Variants in ABCB7 observed in about 807,000 individuals in gnomAD.
The protein encoded by ABCB7 is iron-sulfur clusters transporter ABCB7, mitochondrial.
In ABCB7, 7 loss-of-function variants were observed where a neutral mutation model predicts 54.4. That is an observed-to-expected ratio of 0.13 (90% CI 0.07 to 0.24). The LOEUF (loss-of-function observed/expected upper bound fraction) is 0.24. Among genes scored for constraint, ABCB7 ranks in the 10% least tolerant of loss-of-function variants. ABCB7 has a pLI of 1.00. For synonymous variants in ABCB7, 218 were observed against 207.1 expected (o/e 1.05, Z -0.45); for missense variants, 356 against 570.4 (o/e 0.62, Z 3.83).
At chrX:75,087,294 TCAGA>T (rs1193989832) in intron 4 of ABCB7, among the ~76,000 whole-genome samples, 1 of 112,052 alleles carries the variant, frequency 8.9e-6, no homozygotes, top group Non-Finnish European at 1.9e-5. Context: ...TTAAGGGTAC[TCAGA>T]CAATTTGAAA....
At chrX:75,076,118 T>C (rs1342486145) in intron 5 of ABCB7, among the ~76,000 whole-genome samples, 1 of 111,829 alleles carries the variant, frequency 8.9e-6, no homozygotes, top group Non-Finnish European at 1.9e-5. Context: ...TAGATTTGTG[T>C]CATTACTAAT....
chrX:75,056,235 C>A (rs1250899290), intron 15 of ABCB7, among the ~76,000 whole-genome samples: 4 of 111,415 alleles, frequency 3.6e-5, no homozygotes, highest in African/African-American at 1.3e-4. Flanking sequence ...TTTCAGCAAC[C>A]AGTGAGGACC....
At chrX:75,104,828 C>T (rs1450457119) in intron 3 of ABCB7, among the ~76,000 whole-genome samples, 4 of 111,693 alleles carry the variant, frequency 3.6e-5, no homozygotes, top group African/African-American at 9.8e-5. Context: ...CCAAATCCAA[C>T]AGCACAAGAT....
intron 4 of ABCB7, chrX:75,097,676 C>T (rs1339363447): frequency 1.8e-5 from 2 of 111,294 alleles, no homozygotes. Context: ...AAAATAAAAT[C>T]TTAATCCTTA....
chrX:75,069,465 A>G lies in ABCB7; in HGVS notation c.1366-11T>C, dbSNP rs1360526699. 8.3e-7 allele frequency: 1 copy of G among 1,208,506 alleles called. No homozygotes were observed. The highest frequency in any genetic ancestry group is 2.2e-5 in the Admixed American group (1 of 45,949). ...TGCCATCACTTTGTCCTAGCAGGGAAGAGAAAAAAAAAGCCACTTTACGCA... is the reference window on the plus strand; with the variant it reads ...TGCCATCACTTTGTCCTAGCAGGGAGGAGAAAAAAAAAGCCACTTTACGCA... On this transcript the variant is annotated splice_polypyrimidine_tract_variant and intron_variant, in intron 10 of 15. Coordinates refer to ENST00000373394, the MANE Select transcript of ABCB7 (RefSeq NM_001271696.3).
At chrX:75,095,388 C>T (rs2081581992) in intron 4 of ABCB7, among the ~76,000 whole-genome samples, 1 of 111,965 alleles carries the variant, frequency 8.9e-6, no homozygotes, top group African/African-American at 3.2e-5. Flanking sequence ...AAATAGGAAG[C>T]CAAGGATAAA....
At chrX:75,083,728 A>AT (rs3042870) in intron 4 of ABCB7, among the ~76,000 whole-genome samples, 3 of 108,479 alleles carry the variant, frequency 2.8e-5, no homozygotes, top group African/African-American at 1.0e-4. Flanking sequence ...ATATATATAT[A>AT]AAATATAAAA....
chrX:75,082,819 TAA>T (rs1052534632), intron 4 of ABCB7, among the ~76,000 whole-genome samples: 5 of 111,157 alleles, frequency 4.5e-5, no homozygotes, highest in African/African-American at 1.6e-4. Context: ...CAAAATTATA[TAA>T]AGAGATAAAC....
intron 4 of ABCB7, among the ~76,000 whole-genome samples, chrX:75,095,621 T>A (rs1391143683): frequency 8.9e-6 from 1 of 112,453 alleles, no homozygotes; most frequent in Non-Finnish European, 1.9e-5. Flanking sequence ...AAAAGAAAAT[T>A]GTTTTCTATA....
intron 1 of ABCB7, among the ~76,000 whole-genome samples, chrX:75,120,947 C>A (rs2081872844): frequency 9.0e-6 from 1 of 110,593 alleles, no homozygotes; most frequent in Admixed American, 9.6e-5. Context: ...TTAAAAAAGT[C>A]TTCTCTAAGA....
intron 15 of ABCB7, among the ~76,000 whole-genome samples, chrX:75,055,553 CAAAAA>C (rs59851777): frequency 0.021 from 458 of 21,707 alleles, 4 homozygotes; most frequent in Non-Finnish European, 0.045. Context: ...CCATCTCTAC[CAAAAA>C]AAAAAAAAAA....
intron 1 of ABCB7, among the ~76,000 whole-genome samples, chrX:75,132,840 C>T (rs1046128914): frequency 7.1e-5 from 8 of 111,965 alleles, no homozygotes; most frequent in Non-Finnish European, 1.5e-4. Context: ...GAAACAAAGT[C>T]AATTACACCA....
chrX:75,133,535 AT>A lies in ABCB7; in HGVS notation c.169-18705del, dbSNP rs537339761. On this transcript the variant is annotated intron_variant, in intron 1 of 15. Transcript: ENST00000373394. ...CATCCTCAAGACACATAGTCATCAG[AT>A]CCCCCAAGGTCGAAATGAAATAAAA... Among the ~76,000 whole-genome samples, 106 of 111,591 alleles carry A rather than the reference AT, an allele frequency of 9.5e-4. 1 individual carries two copies. The South Asian group carries it at 0.036, about 38-fold the overall frequency.
chrX:75,084,106 A>G (rs2081477505), intron 4 of ABCB7, among the ~76,000 whole-genome samples: 1 of 111,150 alleles, frequency 9.0e-6, no homozygotes, highest in African/African-American at 3.3e-5. Flanking sequence ...AGAGGCCCTG[A>G]GCCAAGGAAT....
At chrX:75,054,591 T>C (rs763422657) in intron 15 of ABCB7, among the ~76,000 whole-genome samples, 33 of 110,760 alleles carry the variant, frequency 3.0e-4, no homozygotes, top group African/African-American at 9.5e-4. Context: ...TTTTTTTTCA[T>C]TTGCTTAGTT....
At position 75,084,576 on chromosome X, in the gene ABCB7, G is replaced by A. The variant is rs191004162; in HGVS notation, c.454-7922C>T. On this transcript the variant is annotated intron_variant, in intron 4 of 15. Transcript: ENST00000373394. Reference sequence around the variant, plus strand: ...TTAATGACCTTGAGTTAGGCAAATAGTTATTAGACATGACAACAAAAGCAT... The same window carrying A: ...TTAATGACCTTGAGTTAGGCAAATAATTATTAGACATGACAACAAAAGCAT... Among the ~76,000 whole-genome samples the A allele has an allele frequency of 1.6e-4, 18 of 111,322 alleles. No individual in the cohort carries two copies. The East Asian group carries it at 5.1e-3, about 31-fold the overall frequency.
In ABCB7 at chrX:75,138,843, T is replaced by C. The variant is rs772005437; in HGVS notation, c.168+17262A>G. On this transcript the variant is annotated intron_variant, in intron 1 of 15. Transcript: ENST00000373394. ...GCCAACATGGTGAAACCCTGTCTCT[T>C]CCAAAATACAAAAAATTAGCTGGGC... Among the ~76,000 whole-genome samples the C allele has an allele frequency of 8.3e-5, 9 of 109,087 alleles. No individual in the cohort carries two copies. In the South Asian group the frequency reaches 3.6e-3, roughly 44 times the overall value. 94.7% of individuals were successfully genotyped at this position (109,087 alleles called of 115,157 possible).
At chrX:75,118,224 G>T (rs755371163) in intron 1 of ABCB7, among the ~76,000 whole-genome samples, 1 of 111,549 alleles carries the variant, frequency 9.0e-6, no homozygotes, top group Non-Finnish European at 1.9e-5. Flanking sequence ...CACAATGGCA[G>T]CCTGGGTGCA....
intron 4 of ABCB7, among the ~76,000 whole-genome samples, chrX:75,079,852 G>T (rs1258942259): frequency 2.7e-5 from 3 of 111,514 alleles, no homozygotes; most frequent in Admixed American, 9.5e-5. Flanking sequence ...CCACCACTTT[G>T]TATTCACCCC....
Sources: allele counts gnomAD v4.1 joint callset (sites outside exome capture counted in the v4.1 genomes callset), GRCh38; gene constraint gnomAD v4.1.1; transcripts MANE v1.5; gene names NCBI Gene and HGNC (gene_info 2026-07-23, HGNC 2026-07-21).